The following ATG7 variants were observed in gnomAD, a reference collection of about 807,000 sequenced individuals.
ATG7 encodes autophagy related 7, also known as ubiquitin-like modifier-activating enzyme ATG7.
ATG7 carries 70 observed loss-of-function variants against 82.4 expected under a neutral mutation model. The ratio of observed to expected loss-of-function variants is 0.85; its 90% CI spans 0.70 to 1.04. The LOEUF is 1.04. ATG7 is among the 50% of genes least tolerant of loss of function. The pLI is 0.00. For synonymous variants in ATG7, 287 were observed against 313.0 expected, an observed-to-expected ratio of 0.92 and a Z score of 0.88; for missense variants, 792 against 864.3, an observed-to-expected ratio of 0.92 and a Z score of 1.05.
chr3:11,400,623 T>C (rs2079746137), intron 19 of ATG7, among the ~76,000 whole-genome samples: 1 of 152,028 alleles, frequency 6.6e-6, no homozygotes, highest in Admixed American at 6.6e-5. Context: ...CACCCCAAAA[T>C]ACTGCTTGAG....
intron 20 of ATG7, among the ~76,000 whole-genome samples, chr3:11,473,803 C>T (rs186466886): frequency 6.6e-5 from 10 of 152,280 alleles, no homozygotes; most frequent in Non-Finnish European, 1.2e-4. Context: ...AAATGTAACC[C>T]TAGTGCCAGT....
chr3:11,488,568 GC>G, intron 20 of ATG7: 2 of 806,270 alleles, frequency 2.5e-6, no homozygotes, highest in Non-Finnish European at 3.2e-6. Flanking sequence ...ACCACCCGCG[GC>G]CACCATGGCC....
intron 20 of ATG7, among the ~76,000 whole-genome samples, chr3:11,466,908 T>C (rs1261955678): frequency 1.3e-5 from 2 of 152,130 alleles, no homozygotes; most frequent in African/African-American, 4.8e-5. Context: ...GGCGGGCAGA[T>C]CACCTGAGGT....
chr3:11,291,048 A>G lies in ATG7; in HGVS notation c.-10-7638A>G, dbSNP rs141210616. 7.2e-4 allele frequency among the ~76,000 whole-genome samples: 110 copies of G among 152,318 alleles called. No homozygotes were observed. The East Asian group carries it at 0.019, about 26-fold the overall frequency. On this transcript the variant is annotated intron_variant, in intron 3 of 20. Coordinates refer to ENST00000693202, the MANE Select transcript of ATG7 (RefSeq NM_001349232.2). ...CCCAGCTACCGAAGTGCTGTAGAAT[A>G]GAGTTTTCTTTTTTGTCTTTGTGAT...
In ATG7 at chr3:11,517,061, C is replaced by T. The variant is rs28580839; in HGVS notation, c.2080-37750C>T. On this transcript the variant is annotated intron_variant, in intron 20 of 20. Transcript: ENST00000693202. Reference sequence around the variant, plus strand: ...TCGCACCACCACACTCTAGCCTGGGCGACAGAGCAAGACCCTGTCTCAAAA... The same window carrying T: ...TCGCACCACCACACTCTAGCCTGGGTGACAGAGCAAGACCCTGTCTCAAAA... Among the ~76,000 whole-genome samples the T allele has an allele frequency of 3.7e-3, 556 of 151,534 alleles. 5 individuals are homozygous for T. Among genetic ancestry groups the T allele is most frequent in the African/African-American group, 0.012 (513 of 41,234 alleles).
At chr3:11,524,357 A>C (rs2092519633) in intron 20 of ATG7, among the ~76,000 whole-genome samples, 1 of 152,222 alleles carries the variant, frequency 6.6e-6, no homozygotes, top group South Asian at 2.1e-4. Context: ...TTTCCCTTCA[A>C]CTGTGAAATA....
intron 19 of ATG7, among the ~76,000 whole-genome samples, chr3:11,415,485 C>G (rs1482482061): frequency 2.0e-5 from 3 of 152,182 alleles, no homozygotes; most frequent in Non-Finnish European, 4.4e-5. Flanking sequence ...TAGCTTAAAA[C>G]ACAAATTGTA....
chr3:11,395,811 G>T (rs1278244863), intron 19 of ATG7, among the ~76,000 whole-genome samples: 1 of 151,748 alleles, frequency 6.6e-6, no homozygotes, highest in Non-Finnish European at 1.5e-5. Context: ...GTGGTGGTGG[G>T]CGCCTGTAGT....
chr3:11,511,242 C>T (rs2092036699), intron 20 of ATG7, among the ~76,000 whole-genome samples: 1 of 152,178 alleles, frequency 6.6e-6, no homozygotes, highest in Non-Finnish European at 1.5e-5. Flanking sequence ...CACCCACATC[C>T]TGCTGATTGG....
chr3:11,568,796 G>C, the ATG7 span: 1 of 1,446,652 alleles, frequency 6.9e-7, no homozygotes, highest in Non-Finnish European at 9.1e-7. The surrounding 1 kb of genome is among the most constrained non-coding windows in gnomAD (Gnocchi z 5.9). Context: ...CTGTGCCCGA[G>C]AGAGCCCACG....
intron 20 of ATG7, among the ~76,000 whole-genome samples, chr3:11,462,183 A>C (rs1055910816): frequency 2.6e-5 from 4 of 152,044 alleles, no homozygotes; most frequent in Admixed American, 2.6e-4. Flanking sequence ...AGCGTCTGCC[A>C]CCCTTCTAGA....
intron 20 of ATG7, among the ~76,000 whole-genome samples, chr3:11,515,237 G>A (rs1204667246): frequency 6.6e-6 from 1 of 152,188 alleles, no homozygotes; most frequent in African/African-American, 2.4e-5. Context: ...CCACTTTTCA[G>A]TGTGTTCATG....
At chr3:11,567,459 T>C in the ATG7 span, among the ~76,000 whole-genome samples, 1 of 152,200 alleles carries the variant, frequency 6.6e-6, no homozygotes, top group African/African-American at 2.4e-5. Flanking sequence ...TTCAGCCCAT[T>C]AAGACAATCA....
chr3:11,413,036 G>T (rs899862689), intron 19 of ATG7, among the ~76,000 whole-genome samples: 1 of 151,962 alleles, frequency 6.6e-6, no homozygotes, highest in Non-Finnish European at 1.5e-5. Flanking sequence ...TGTTAACTTT[G>T]TATCCTGCTG....
rs59365367 is a variant in ATG7, at chr3:11,440,323, C to CTTTTTTTT, written c.2079+13409_2079+13416dup. Among the ~76,000 whole-genome samples, 5 of 113,836 alleles carry CTTTTTTTT rather than the reference C, an allele frequency of 4.4e-5. No homozygotes were observed. In the East Asian group the frequency reaches 8.3e-4, roughly 19 times the overall value. The allele number at this position is 113,836 out of a possible 152,430, so 74.7% of individuals were successfully genotyped here. On this transcript the variant is annotated intron_variant, in intron 20 of 20. Transcript: ENST00000693202. ...AAGTCCTTTCTTTCTGGCCTTTACT[C>CTTTTTTTT]TTTTTTTTTTTTTTTTTTTGAGACG...
At position 11,509,394 on chromosome 3, in the gene ATG7, GT is replaced by G. The variant is rs76027522; in HGVS notation, c.2080-45403del. Reference sequence around the variant, plus strand: ...CTGATGCAACATGAATTTCAGTGTGGTTTTTTTTTTTTTTAAGTGCCAAATT... The same window carrying G: ...CTGATGCAACATGAATTTCAGTGTGGTTTTTTTTTTTTTAAGTGCCAAATT... On this transcript the variant is annotated intron_variant, in intron 20 of 20. Coordinates refer to ENST00000693202, the MANE Select transcript of ATG7 (RefSeq NM_001349232.2). Among the ~76,000 whole-genome samples, 1,196 of 143,224 alleles carry G rather than the reference GT, an allele frequency of 8.4e-3. 7 individuals carry two copies. Among genetic ancestry groups the G allele is most frequent in the Admixed American group, 0.017 (246 of 14,316 alleles). The allele number at this position is 143,224 out of a possible 152,430, so 94.0% of individuals were successfully genotyped here. A position where few individuals can be genotyped will look rare whatever the true frequency, so the allele number is the denominator to read the frequency against.
At chr3:11,474,942 T>A (rs2087962411) in intron 20 of ATG7, among the ~76,000 whole-genome samples, 1 of 151,700 alleles carries the variant, frequency 6.6e-6, no homozygotes, top group African/African-American at 2.4e-5. Flanking sequence ...AGGTTGGCAA[T>A]AGAGGGAGCA....
chr3:11,418,962 G>A (rs1214084047), intron 19 of ATG7, among the ~76,000 whole-genome samples: 1 of 151,724 alleles, frequency 6.6e-6, no homozygotes, highest in Non-Finnish European at 1.5e-5. Context: ...ATGGGAAACT[G>A]CCCCTCCCCC....
chr3:11,348,198 A>T, intron 14 of ATG7, 163 bp downstream of exon 14: 2 of 975,746 alleles, frequency 2.0e-6, no homozygotes, highest in Non-Finnish European at 1.5e-6. Flanking sequence ...AGAGAGGGAT[A>T]AAAAAACACA....
Sources: gnomAD v4.1 joint callset for allele counts (sites outside exome capture counted in the v4.1 genomes callset) on GRCh38, gnomAD v4.1.1 for gene constraint, Gnocchi (gnomAD v3.1) non-coding constraint, MANE v1.5 for transcripts, NCBI Gene and HGNC (gene_info 2026-07-23, HGNC 2026-07-21) for gene names.